The following KDM7A variants were observed in gnomAD, a reference collection of about 807,000 sequenced individuals.
KDM7A encodes lysine demethylase 7A.
In KDM7A, 28 loss-of-function variants were observed where a neutral mutation model predicts 114.8. The observed-to-expected ratio is 0.24, with a 90% CI of 0.18 to 0.33. The LOEUF (loss-of-function observed/expected upper bound fraction) is 0.33, where lower values mean the gene tolerates loss of function less well. KDM7A is among the 10% of genes least tolerant of loss of function. The pLI is 1.00. For synonymous variants in KDM7A, 423 were observed against 397.8 expected (o/e 1.06, Z -0.75); for missense variants, 942 against 1,142.5 (o/e 0.82, Z 2.53).
In KDM7A at chr7:140,090,722, A is replaced by T. The variant is rs1818003207; in HGVS notation, c.*372T>A. The T allele has an allele frequency of 5.5e-6, 1 of 183,418 alleles. No homozygotes were observed. The highest frequency in any genetic ancestry group is 1.1e-5 in the Non-Finnish European group (1 of 89,086). 11.4% of individuals were successfully genotyped at this position (183,418 alleles called of 1,614,324 possible). On this transcript the variant is annotated 3_prime_UTR_variant, in exon 20 of 20. Transcript: ENST00000397560. ...CCAAATAAATAGCTTTAAAAAAAGA[A>T]TTTAAAAGCTGTTAACTTTAAAAAA...
At chr7:140,144,525 T>C (rs1042334669) in intron 1 of KDM7A, among the ~76,000 whole-genome samples, 2 of 152,194 alleles carry the variant, frequency 1.3e-5, no homozygotes, top group South Asian at 4.1e-4. Context: ...TCTAAGGGCT[T>C]CTACTTTTCT....
chr7:140,135,697 T>A (rs1818859479), intron 2 of KDM7A, among the ~76,000 whole-genome samples: 1 of 152,186 alleles, frequency 6.6e-6, no homozygotes, highest in African/African-American at 2.4e-5. Flanking sequence ...TTGAAATTCA[T>A]GTTTGTATAT....
At chr7:140,167,994 A>C (rs1794596963) in intron 1 of KDM7A, among the ~76,000 whole-genome samples, 1 of 152,212 alleles carries the variant, frequency 6.6e-6, no homozygotes, top group African/African-American at 2.4e-5. Context: ...TATGGTCCTA[A>C]AACTAAGAAA....
intron 7 of KDM7A, among the ~76,000 whole-genome samples, chr7:140,123,567 C>G (rs1818649115): frequency 1.3e-5 from 2 of 152,126 alleles, no homozygotes; most frequent in Admixed American, 1.3e-4. Context: ...TACATACTTA[C>G]CAGCTGAGCA....
At chr7:140,150,784 C>T (rs914716919) in intron 1 of KDM7A, among the ~76,000 whole-genome samples, 18 of 151,536 alleles carry the variant, frequency 1.2e-4, no homozygotes, top group African/African-American at 3.4e-4. Flanking sequence ...CCCACCTTTG[C>T]TCTACAGGGA....
At chr7:140,171,185 G>A (rs1018714681) in intron 1 of KDM7A, among the ~76,000 whole-genome samples, 10 of 151,926 alleles carry the variant, frequency 6.6e-5, no homozygotes, top group Non-Finnish European at 8.8e-5. Flanking sequence ...GAATATGGCC[G>A]GGCGTGGTGG....
At position 140,087,575 on chromosome 7, in the gene KDM7A, T is replaced by TAA. The variant is rs1817948319; in HGVS notation, c.*3517_*3518dup. ...TAAGTTCTCTGTATGTATGAAGTGT[T>TAA]AAGAGATTTTCTTAATTGATTATCA... On this transcript the variant is annotated 3_prime_UTR_variant, in exon 20 of 20. Coordinates refer to ENST00000397560, the MANE Select transcript of KDM7A (RefSeq NM_030647.2). The TAA allele has an allele frequency of 6.6e-6, 1 of 152,220 alleles. No homozygotes were observed. The highest frequency in any genetic ancestry group is 1.5e-5 in the Non-Finnish European group (1 of 68,038). The allele number at this position is 152,220 out of a possible 1,614,324, so 9.4% of individuals were successfully genotyped here. A position where few individuals can be genotyped will look rare whatever the true frequency, so the allele number is the denominator to read the frequency against.
chr7:140,093,053 T>C (rs1289000077), intron 18 of KDM7A, among the ~76,000 whole-genome samples: 1 of 152,154 alleles, frequency 6.6e-6, no homozygotes, highest in Non-Finnish European at 1.5e-5. Flanking sequence ...ATTTAGAAAA[T>C]ATAGACAAGC....
chr7:140,127,164 T>C (rs1481263439), intron 5 of KDM7A, among the ~76,000 whole-genome samples: 1 of 152,228 alleles, frequency 6.6e-6, no homozygotes, highest in African/African-American at 2.4e-5. Flanking sequence ...TTACGCCATG[T>C]TGGCCAGGCT....
chr7:140,172,514 G>A (rs901359181), intron 1 of KDM7A, among the ~76,000 whole-genome samples: 2 of 152,000 alleles, frequency 1.3e-5, no homozygotes, highest in African/African-American at 2.4e-5. Flanking sequence ...TTAGCTGGGC[G>A]CGGTGGCGGG....
At chr7:140,135,239 C>T (rs1818849024) in intron 2 of KDM7A, among the ~76,000 whole-genome samples, 1 of 147,002 alleles carries the variant, frequency 6.8e-6, no homozygotes, top group Admixed American at 6.8e-5. Context: ...GAGTCTTGCC[C>T]TGTTGCCAGG....
chr7:140,101,970 T>G lies in KDM7A; in HGVS notation c.1619A>C (p.Glu540Ala). The G allele has an allele frequency of 6.2e-7, 1 of 1,612,154 alleles. No individual in the cohort carries two copies. Among genetic ancestry groups the G allele is most frequent in the Non-Finnish European group, 8.5e-7 (1 of 1,178,200 alleles). Residue 540 changes from glutamate (E) to alanine (A), a missense_variant, in exon 12 of 20, where the codon GAG (glutamate) becomes GCG (alanine). Transcript: ENST00000397560. ...ACTTGCCTCTTCCCATGGACACATC[T>G]CTAATCTTTTGAGGACCTCCCTTGT... ...LHTREVLKRL[E>A]MCPWEEDILS...
chr7:140,116,440 T>C (rs1438745938), intron 9 of KDM7A, among the ~76,000 whole-genome samples: 1 of 152,194 alleles, frequency 6.6e-6, no homozygotes, highest in Non-Finnish European at 1.5e-5. Flanking sequence ...AATTAAATTA[T>C]TTTAGTTTAT....
chr7:140,140,350 T>C (rs1221476946), intron 1 of KDM7A, among the ~76,000 whole-genome samples: 1 of 152,194 alleles, frequency 6.6e-6, no homozygotes, highest in African/African-American at 2.4e-5. Flanking sequence ...TTTGATAAAA[T>C]TCAACATTTA....
chr7:140,118,385 AG>A (rs1186251616), intron 9 of KDM7A, among the ~76,000 whole-genome samples: 1 of 151,902 alleles, frequency 6.6e-6, no homozygotes, highest in Non-Finnish European at 1.5e-5. Context: ...AGTTCAAAAA[AG>A]GTTTTTTTTC....
chr7:140,156,106 T>G (rs1419494999), intron 1 of KDM7A, among the ~76,000 whole-genome samples: 1 of 152,184 alleles, frequency 6.6e-6, no homozygotes, highest in Non-Finnish European at 1.5e-5. Context: ...AAAGAAGGGA[T>G]TCTAAAGGAA....
rs1330641993 is a variant in KDM7A, at chr7:140,085,957, T to A, written c.*5137A>T. ...ATATGAGAGTATGTCTGGGTTATTT[T>A]ATGCCTGCAAAGTATTATATATTCC... On this transcript the variant is annotated 3_prime_UTR_variant, in exon 20 of 20. Coordinates refer to ENST00000397560, the MANE Select transcript of KDM7A (RefSeq NM_030647.2). The A allele has an allele frequency of 6.6e-6, 1 of 152,248 alleles. No individual in the cohort carries two copies. The highest frequency in any genetic ancestry group is 6.5e-5 in the Admixed American group (1 of 15,284). 9.4% of individuals were successfully genotyped at this position (152,248 alleles called of 1,614,324 possible). A position where few individuals can be genotyped will look rare whatever the true frequency, so the allele number is the denominator to read the frequency against.
At position 140,166,195 on chromosome 7, in the gene KDM7A, A is replaced by G. The variant is rs554285939; in HGVS notation, c.194+10549T>C. On this transcript the variant is annotated intron_variant, in intron 1 of 19. Transcript: ENST00000397560. ...ATCTCCCTCAGATAAGCGGGGACACACTACTGTATATGCATATTAATAGAT... is the reference window on the plus strand; with the variant it reads ...ATCTCCCTCAGATAAGCGGGGACACGCTACTGTATATGCATATTAATAGAT... Among the ~76,000 whole-genome samples, 41 of 152,296 alleles carry G rather than the reference A, an allele frequency of 2.7e-4. No homozygotes were observed. In the East Asian group the frequency reaches 7.3e-3, roughly 27 times the overall value.
intron 1 of KDM7A, among the ~76,000 whole-genome samples, chr7:140,152,182 C>CA (rs1187776814): frequency 3.5e-4 from 53 of 152,308 alleles, no homozygotes; most frequent in Admixed American, 2.9e-3. Context: ...ACTAAGGCAA[C>CA]ATTCTAAGGA....
Sources: gnomAD v4.1 joint callset for allele counts (sites outside exome capture counted in the v4.1 genomes callset) on GRCh38, gnomAD v4.1.1 for gene constraint, MANE v1.5 for transcripts, NCBI Gene and HGNC (gene_info 2026-07-23, HGNC 2026-07-21) for gene names.